AKAP10: variants seen among roughly 807,000 people sequenced by gnomAD.
The protein encoded by AKAP10 is A-kinase anchor protein 10, mitochondrial.
AKAP10 carries 24 observed loss-of-function variants against 80.8 expected under a neutral mutation model. The observed-to-expected ratio is 0.30, with a 90% CI of 0.22 to 0.42. The LOEUF is 0.42. Ranked by LOEUF, AKAP10 falls within the 10% of genes least tolerant of loss-of-function variation. The probability of loss-of-function intolerance (pLI) is 1.00; values close to 1 mark genes in which losing one functional copy is unlikely to be tolerated. For missense variants in AKAP10, 661 were observed against 794.9 expected (o/e 0.83, Z 2.03); for synonymous variants, 291 against 277.7 (o/e 1.05, Z -0.48).
At chr17:19,923,280 G>A (rs2042838194) in intron 11 of AKAP10, among the ~76,000 whole-genome samples, 2 of 152,034 alleles carry the variant, frequency 1.3e-5, no homozygotes, top group East Asian at 3.9e-4. Flanking sequence ...GTTTCACCAT[G>A]TTGCCCAGGC....
At chr17:19,967,241 T>C (rs1017863579) in intron 2 of AKAP10, among the ~76,000 whole-genome samples, 1 of 152,192 alleles carries the variant, frequency 6.6e-6, no homozygotes, top group African/African-American at 2.4e-5. Flanking sequence ...CAGTGAGTAA[T>C]ACAGCATCTT....
chr17:19,974,060 C>T (rs2043533281), intron 1 of AKAP10, among the ~76,000 whole-genome samples: 2 of 152,038 alleles, frequency 1.3e-5, no homozygotes, highest in South Asian at 4.2e-4. Context: ...GTCATGGTGG[C>T]GCATGCCTGT....
Position 19,968,431 on chromosome 17 carries a change from T to C in AKAP10, c.119A>G (p.Asp40Gly), listed in dbSNP as rs1416595540. 1 of 1,613,702 alleles carries C rather than the reference T, an allele frequency of 6.2e-7. No homozygotes were observed. The highest frequency in any genetic ancestry group is 1.3e-5 in the African/African-American group (1 of 74,922). Residue 40 changes from aspartate (D) to glycine (G), a missense_variant, in exon 2 of 15, where the codon GAT becomes GGT. Coordinates refer to ENST00000225737, the MANE Select transcript of AKAP10 (RefSeq NM_007202.4). ...GAACTTACCTTTAATGGACTTCACA[T>C]CTGAGGTCTTCTCTTGTTCTTTGCC... is the stretch of plus-strand genomic sequence containing the variant. ...VKGKEQEKTSDVKSIKASISV... is the reference protein window; with the variant it reads ...VKGKEQEKTSGVKSIKASISV...
At chr17:19,934,549 G>A (rs141775861) in intron 9 of AKAP10, among the ~76,000 whole-genome samples, 400 of 152,186 alleles carry the variant, frequency 2.6e-3, no homozygotes, top group Non-Finnish European at 4.3e-3. Flanking sequence ...TTAAAAATAC[G>A]TAATAATAAT....
chr17:19,939,459 A>G (rs1385596250), intron 8 of AKAP10, among the ~76,000 whole-genome samples: 3 of 152,010 alleles, frequency 2.0e-5, no homozygotes, highest in African/African-American at 7.3e-5. Context: ...TCCAAACAAA[A>G]TCTCTCTTCT....
At chr17:19,909,055 TATG>T in intron 14 of AKAP10, 123 bp downstream of exon 14, 1 of 707,360 alleles carries the variant, frequency 1.4e-6, no homozygotes, top group Admixed American at 3.4e-5. Flanking sequence ...TCTAGTTGCT[TATG>T]ATAAGAAGGT....
chr17:19,906,436 C>T (rs203467), intron 14 of AKAP10, among the ~76,000 whole-genome samples: 29,311 of 152,148 alleles, frequency 0.19, 3,300 homozygotes, highest in Middle Eastern at 0.29. Context: ...AAAGAGGTTA[C>T]GTAACTTACC....
intron 12 of AKAP10, among the ~76,000 whole-genome samples, chr17:19,918,920 T>C (rs1251301404): frequency 1.3e-5 from 2 of 152,198 alleles, no homozygotes; most frequent in Non-Finnish European, 2.9e-5. Context: ...TTTCCACATA[T>C]ATTTATTTTT....
In AKAP10 at chr17:19,941,831, C is replaced by T; in HGVS notation, c.1056G>A (p.Glu352=). 6.3e-7 allele frequency: 1 copy of T among 1,588,948 alleles called. No homozygotes were observed. The highest frequency in any genetic ancestry group is 8.6e-7 in the Non-Finnish European group (1 of 1,167,542). ...LAQSIVFSAM[E]QEHFSEFLRS... ...GAAAATATGAACTAACTTACTCTTG[C>T]TCCATTGCACTAAAGACTATGGACT... The change falls in exon 6 of 15, where the codon GAG becomes GAA. Residue 352 remains glutamate (E), a synonymous_variant. Coordinates refer to ENST00000225737, the MANE Select transcript of AKAP10 (RefSeq NM_007202.4).
chr17:19,970,830 A>T (rs561286084), intron 1 of AKAP10, among the ~76,000 whole-genome samples: 3 of 152,076 alleles, frequency 2.0e-5, no homozygotes, highest in Admixed American at 1.3e-4. Flanking sequence ...CTTAAAAAAA[A>T]AAAAATAAAT....
At chr17:19,926,276 TA>T (rs754551841) in intron 10 of AKAP10, among the ~76,000 whole-genome samples, 2,246 of 132,250 alleles carry the variant, frequency 0.017, 27 homozygotes, top group African/African-American at 0.044. Context: ...TTTCATGATT[TA>T]AAAAAAAAAA....
Position 19,905,855 on chromosome 17 carries a change from C to A in AKAP10, c.*372G>T, listed in dbSNP as rs77742037. The A allele has an allele frequency of 1.2e-3, 233 of 189,110 alleles. 5 individuals carry two copies. In the East Asian group the frequency reaches 0.025, roughly 21 times the overall value. The allele number at this position is 189,110 out of a possible 1,614,324, so 11.7% of individuals were successfully genotyped here. A position where few individuals can be genotyped will look rare whatever the true frequency, so the allele number is the denominator to read the frequency against. On this transcript the variant is annotated 3_prime_UTR_variant, in exon 15 of 15. Coordinates refer to ENST00000225737, the MANE Select transcript of AKAP10 (RefSeq NM_007202.4). ...GCTGATTAGGGATGAGTTACCACTA[C>A]GAGTGTGCATCAAGTATCAGTTCTA...
chr17:19,918,403 T>C (rs2042773496), intron 12 of AKAP10, among the ~76,000 whole-genome samples: 1 of 151,596 alleles, frequency 6.6e-6, no homozygotes, highest in Admixed American at 6.6e-5. Context: ...AAATTAGCCA[T>C]GGCGCCTGTA....
rs1471889482 is a variant in AKAP10, at chr17:19,958,416, C to T, written c.475G>A (p.Glu159Lys). 8.1e-6 allele frequency: 13 copies of T among 1,614,178 alleles called. No individual in the cohort carries two copies. Among genetic ancestry groups the T allele is most frequent in the Non-Finnish European group, 1.1e-5 (13 of 1,180,038 alleles). The change falls in exon 4 of 15, where the codon GAA (glutamate) becomes AAA (lysine). Residue 159 changes from glutamate to lysine, a missense_variant. Transcript: ENST00000225737. ...GACCAAGTTGTTGAATGAAAACTTT[C>T]AGCCTCTAACCAAAATTTCACCAAA... ...EHLVKFWLEA[E>K]SFHSTTWSRI...
intron 8 of AKAP10, 44 bp downstream of exon 8, chr17:19,939,669 T>A (rs368390920): frequency 4.4e-6 from 7 of 1,584,742 alleles, no homozygotes; most frequent in Non-Finnish European, 6.0e-6. Context: ...ACATATCAAA[T>A]GTTCAATAAG....
rs76714426 is a variant in AKAP10 at position 19,914,352 on chromosome 17, C to T, written c.1835-4374G>A. Among the ~76,000 whole-genome samples the T allele has an allele frequency of 2.7e-3, 406 of 152,096 alleles. 15 individuals are homozygous for T. The East Asian group carries it at 0.074, about 28-fold the overall frequency. On this transcript the variant is annotated intron_variant, in intron 12 of 14. Coordinates refer to ENST00000225737, the MANE Select transcript of AKAP10 (RefSeq NM_007202.4). The stretch of plus-strand genomic sequence containing the variant: ...AATAAATGAACAAGATAATTTTAGA[C>T]AGTGAATAAGAAAATAGGCCAGGAG...
At chr17:19,943,369 G>A (rs908370350) in intron 5 of AKAP10, among the ~76,000 whole-genome samples, 2 of 152,128 alleles carry the variant, frequency 1.3e-5, no homozygotes, top group African/African-American at 4.8e-5. Flanking sequence ...CAACCTCCCG[G>A]GATGAGGGGG....
chr17:19,906,623 C>T (rs942008555), intron 14 of AKAP10, among the ~76,000 whole-genome samples: 1 of 152,216 alleles, frequency 6.6e-6, no homozygotes, highest in East Asian at 1.9e-4. Context: ...TGACTCCCTC[C>T]TGTAGTCACA....
rs1186089508 is a variant in AKAP10 at position 19,904,778 on chromosome 17, A to G, written c.*1449T>C. On this transcript the variant is annotated 3_prime_UTR_variant, in exon 15 of 15. Coordinates refer to ENST00000225737, the MANE Select transcript of AKAP10 (RefSeq NM_007202.4). ...TGACACAATTTTAAATAGAATTCATATATATATATTTTAAAATCAAACACA... is the reference window on the plus strand; with the variant it reads ...TGACACAATTTTAAATAGAATTCATGTATATATATTTTAAAATCAAACACA... The G allele has an allele frequency of 6.6e-6, 1 of 152,024 alleles. No individual in the cohort carries two copies. Among genetic ancestry groups the G allele is most frequent in the Non-Finnish European group, 1.5e-5 (1 of 68,006 alleles). The allele number at this position is 152,024 out of a possible 1,614,324, so 9.4% of individuals were successfully genotyped here.
Sources: gnomAD v4.1 joint callset for allele counts (sites outside exome capture counted in the v4.1 genomes callset) on GRCh38, gnomAD v4.1.1 for gene constraint, MANE v1.5 for transcripts, NCBI Gene and HGNC (gene_info 2026-07-23, HGNC 2026-07-21) for gene names.